The following TRABD2B variants were observed in gnomAD, a reference collection of about 807,000 sequenced individuals.
TRABD2B encodes the protein TraB domain containing 2B, also known as metalloprotease TIKI2.
In TRABD2B, 14 loss-of-function variants were observed where a neutral mutation model predicts 40.1. That is an observed-to-expected ratio of 0.35 (90% confidence interval 0.23 to 0.55). The LOEUF is 0.55. Among genes scored for constraint, TRABD2B ranks in the 20% least tolerant of loss-of-function variants. The pLI is 0.90. For synonymous variants in TRABD2B, 263 were observed against 277.0 expected, an observed-to-expected ratio of 0.95 and a Z score of 0.50; for missense variants, 541 against 648.6, an observed-to-expected ratio of 0.83 and a Z score of 1.80.
chr1:47,885,158 GTGCCA>G (rs1378513934), intron 2 of TRABD2B, among the ~76,000 whole-genome samples: 1 of 152,122 alleles, frequency 6.6e-6, no homozygotes, highest in African/African-American at 2.4e-5. Flanking sequence ...TCATTACAAG[GTGCCA>G]TGCTTTCTCT....
At chr1:47,827,676 G>A (rs1645194338) in intron 2 of TRABD2B, among the ~76,000 whole-genome samples, 1 of 152,144 alleles carries the variant, frequency 6.6e-6, no homozygotes, top group Admixed American at 6.5e-5. Context: ...GGGAGCTGAG[G>A]CCCCAGCAAG....
At chr1:47,842,509 C>T (rs960768265) in intron 2 of TRABD2B, among the ~76,000 whole-genome samples, 5 of 152,152 alleles carry the variant, frequency 3.3e-5, no homozygotes, top group African/African-American at 1.2e-4. Context: ...GCACCAGCCT[C>T]GGTGGAAAGC....
intron 4 of TRABD2B, among the ~76,000 whole-genome samples, chr1:47,779,021 G>A (rs1644485425): frequency 1.3e-5 from 2 of 152,166 alleles, no homozygotes; most frequent in South Asian, 4.1e-4. Context: ...GCTCATCTTG[G>A]TAAGTTCTAC....
In TRABD2B at chr1:47,794,624, TC is replaced by T; in HGVS notation, c.949del (p.Glu317ArgfsTer64). On this transcript the variant is annotated frameshift_variant, in exon 4 of 7. Transcript: ENST00000606738. LOFTEE classifies it high-confidence loss of function. The stretch of plus-strand genomic sequence containing the variant: ...AAAGAAGCAGATCTTGTCCTCGTTC[TC>T]CCGTAGAAGCGCCATGACCCTCTTC... ...MGKRVMALLR[E>X]NEDKICFFAF... 6.5e-7 allele frequency: 1 copy of T among 1,535,140 alleles called. No individual in the cohort carries two copies. Among genetic ancestry groups the T allele is most frequent in the Non-Finnish European group, 8.7e-7 (1 of 1,145,956 alleles).
intron 2 of TRABD2B, among the ~76,000 whole-genome samples, chr1:47,824,619 GGAAGCAGA>G (rs1171408369): frequency 1.3e-5 from 2 of 152,198 alleles, no homozygotes; most frequent in Non-Finnish European, 2.9e-5. Context: ...CAAACTTGCT[GGAAGCAGA>G]GGACACAGGC....
chr1:47,959,490 G>A (rs1033602972), intron 2 of TRABD2B, among the ~76,000 whole-genome samples: 5 of 151,904 alleles, frequency 3.3e-5, no homozygotes, highest in African/African-American at 9.7e-5. Flanking sequence ...AAGGAGAGAC[G>A]AATCAAATAG....
At chr1:47,791,177 G>C (rs1305728815) in intron 4 of TRABD2B, among the ~76,000 whole-genome samples, 1 of 152,180 alleles carries the variant, frequency 6.6e-6, no homozygotes, top group Non-Finnish European at 1.5e-5. Flanking sequence ...AACAAGCACT[G>C]GAGGGGCCAG....
chr1:47,812,605 G>A (rs939317963), intron 2 of TRABD2B, among the ~76,000 whole-genome samples: 1 of 152,178 alleles, frequency 6.6e-6, no homozygotes, highest in South Asian at 2.1e-4. Context: ...TGTAGTCCCA[G>A]CTACGCAGCA....
chr1:47,952,039 C>T (rs1201052900), intron 2 of TRABD2B, among the ~76,000 whole-genome samples: 2 of 152,196 alleles, frequency 1.3e-5, no homozygotes, highest in African/African-American at 4.8e-5. Flanking sequence ...GAGGGAGCAG[C>T]GACTTCTATT....
chr1:47,955,754 C>T (rs978728827), intron 2 of TRABD2B, among the ~76,000 whole-genome samples: 1 of 152,144 alleles, frequency 6.6e-6, no homozygotes, highest in African/African-American at 2.4e-5. Flanking sequence ...TCTCCAGGAC[C>T]CCCTCCCATC....
chr1:47,996,557 G>A lies in TRABD2B; in HGVS notation c.102+131C>T, dbSNP rs1243714101. 1 of 1,085,418 alleles carries A rather than the reference G, an allele frequency of 9.2e-7. No homozygotes were observed. The highest frequency in any genetic ancestry group is 1.7e-5 in the African/African-American group (1 of 60,408). 67.2% of individuals were successfully genotyped at this position (1,085,418 alleles called of 1,614,324 possible). ...AGGCAGGAGCGAAGGAAGGGCGCCC[G>A]AGGCTGCGCCCGGGGGGTGGAGGTG... is the stretch of plus-strand genomic sequence containing the variant. On this transcript the variant is annotated intron_variant, in intron 1 of 6. Transcript: ENST00000606738. This position sits in a 1 kb window ranked among gnomAD's most constrained non-coding sequence, Gnocchi z 4.6.
Position 47,794,616 on chromosome 1 carries a change from C to A in TRABD2B, c.958G>T (p.Asp320Tyr), listed in dbSNP as rs1240979775. 1 of 1,534,602 alleles carries A rather than the reference C, an allele frequency of 6.5e-7. No homozygotes were observed. Among genetic ancestry groups the A allele is most frequent in the South Asian group, 1.2e-5 (1 of 83,770 alleles). Residue 320 changes from aspartate (D) to tyrosine (Y), a missense_variant, in exon 4 of 7, where the codon GAC (aspartate) becomes TAC (tyrosine). Physicochemically the swap from Asp to Tyr is radical, Grantham distance 160. Coordinates refer to ENST00000606738, the MANE Select transcript of TRABD2B (RefSeq NM_001194986.2). ...RVMALLRENEDKICFFAFGAG... is the reference protein window; with the variant it reads ...RVMALLRENEYKICFFAFGAG... ...CCGAAGGCAAAGAAGCAGATCTTGT[C>A]CTCGTTCTCCCGTAGAAGCGCCATG...
intron 2 of TRABD2B, among the ~76,000 whole-genome samples, chr1:47,846,184 C>G (rs1645466766): frequency 6.6e-6 from 1 of 152,236 alleles, no homozygotes; most frequent in Admixed American, 6.5e-5. Context: ...TTAATACATT[C>G]AGCATGCTTC....
intron 2 of TRABD2B, among the ~76,000 whole-genome samples, chr1:47,826,678 A>G (rs1645179962): frequency 6.6e-6 from 1 of 152,066 alleles, no homozygotes; most frequent in Non-Finnish European, 1.5e-5. Flanking sequence ...GGCTCAAGCA[A>G]TCCTCCTGCT....
At chr1:47,911,534 A>T (rs1156495532) in intron 2 of TRABD2B, among the ~76,000 whole-genome samples, 1 of 152,228 alleles carries the variant, frequency 6.6e-6, no homozygotes, top group Non-Finnish European at 1.5e-5. Flanking sequence ...AGGCTAATGC[A>T]TCGTCTGTCA....
intron 2 of TRABD2B, among the ~76,000 whole-genome samples, chr1:47,870,615 A>G (rs1644127095): frequency 6.6e-6 from 1 of 152,200 alleles, no homozygotes; most frequent in African/African-American, 2.4e-5. Context: ...CATTGCCCAC[A>G]TCACCTGCCT....
rs184098834 is a variant in TRABD2B, at chr1:47,800,536, C to A, written c.813+937G>T. Among the ~76,000 whole-genome samples, 329 of 152,070 alleles carry A rather than the reference C, an allele frequency of 2.2e-3. 1 individual carries two copies. Among genetic ancestry groups the A allele is most frequent in the African/African-American group, 7.3e-3 (303 of 41,478 alleles). Reference sequence around the variant, plus strand: ...ACAGGGTAGGGAGAGAGCATGGGGGCCATGCAGGCCACTGTAGAGACTCTG... The same window carrying A: ...ACAGGGTAGGGAGAGAGCATGGGGGACATGCAGGCCACTGTAGAGACTCTG... On this transcript the variant is annotated intron_variant, in intron 3 of 6. Transcript: ENST00000606738.
chr1:47,964,658 C>A (rs116411396), intron 2 of TRABD2B, among the ~76,000 whole-genome samples: 4 of 152,108 alleles, frequency 2.6e-5, no homozygotes, highest in Admixed American at 2.6e-4. Flanking sequence ...TTGCCTCTAG[C>A]AATTTGTTTT....
intron 2 of TRABD2B, among the ~76,000 whole-genome samples, chr1:47,962,309 A>T (rs1645532895): frequency 6.6e-6 from 1 of 152,172 alleles, no homozygotes; most frequent in Non-Finnish European, 1.5e-5. Context: ...ACATGTATAC[A>T]TATGTACCAA....
Sources: gnomAD v4.1 joint callset for allele counts (sites outside exome capture counted in the v4.1 genomes callset) on GRCh38, gnomAD v4.1.1 for gene constraint, Gnocchi (gnomAD v3.1) non-coding constraint, MANE v1.5 for transcripts, NCBI Gene and HGNC (gene_info 2026-07-23, HGNC 2026-07-21) for gene names.